Variants in LPCAT1 observed in about 807,000 individuals in gnomAD.
The protein encoded by LPCAT1 is 1-acylglycerol-3-phosphate O-acyltransferase.
LPCAT1 carries 23 observed loss-of-function variants against 60.9 expected under a neutral mutation model. The observed-to-expected ratio is 0.38, with a 90% CI of 0.27 to 0.53. The LOEUF is 0.53. Ranked by LOEUF, LPCAT1 falls within the 20% of genes least tolerant of loss-of-function variation. The pLI is 0.82. For synonymous variants in LPCAT1, 340 were observed against 301.1 expected (o/e 1.13, Z -1.34); for missense variants, 622 against 723.6 (o/e 0.86, Z 1.61).
Position 1,463,773 on chromosome 5 carries a change from G to C in LPCAT1, c.1483C>G (p.Gln495Glu). 1 of 1,614,246 alleles carries C rather than the reference G, an allele frequency of 6.2e-7. No homozygotes were observed. Among genetic ancestry groups the C allele is most frequent in the Non-Finnish European group, 8.5e-7 (1 of 1,180,054 alleles). The change falls in exon 14 of 14, where the codon CAG (glutamine) becomes GAG (glutamate). Residue 495 changes from glutamine to glutamate, a missense_variant. Gln to Glu is a conservative substitution (Grantham distance 29, BLOSUM62 2). Coordinates refer to ENST00000283415, the MANE Select transcript of LPCAT1 (RefSeq NM_024830.5). ...TCTGCACAGCTTTCGAAATGTGTCT[G>C]ATCCGGGTACAGGTATTCCTCTGCG... Reference protein sequence around the residue: ...AFAEEYLYPDQTHFESCAETS... With the variant: ...AFAEEYLYPDETHFESCAETS...
chr5:1,494,660 G>C lies in LPCAT1; in HGVS notation c.493+40C>G, dbSNP rs745342004. On this transcript the variant is annotated intron_variant, in intron 3 of 13. Transcript: ENST00000283415. ...GCAGGGGGATCTCTCACTCCCAGCAGGGCAGGGTCCCTCACTCCCAGCAGG... is the reference window on the plus strand; with the variant it reads ...GCAGGGGGATCTCTCACTCCCAGCACGGCAGGGTCCCTCACTCCCAGCAGG... The C allele has an allele frequency of 4.4e-6, 7 of 1,575,942 alleles. No individual in the cohort carries two copies. In the African/African-American group the frequency reaches 9.4e-5, roughly 21 times the overall value.
Position 1,470,761 on chromosome 5 carries a change from C to CA in LPCAT1, c.1278+64dup, listed in dbSNP as rs1442226800. 8.1e-6 allele frequency: 10 copies of CA among 1,229,716 alleles called. No homozygotes were observed. The East Asian group carries it at 2.3e-4, about 28-fold the overall frequency. 76.2% of individuals were successfully genotyped at this position (1,229,716 alleles called of 1,614,324 possible). On this transcript the variant is annotated intron_variant, in intron 12 of 13. Transcript: ENST00000283415. Reference sequence around the variant, plus strand: ...TATTATAAGGAACTAGAGAAATGAACAATGGTGCTGACGTGACTGCACCGC... The same window carrying CA: ...TATTATAAGGAACTAGAGAAATGAACAAATGGTGCTGACGTGACTGCACCGC...
rs148753477 is a variant in LPCAT1, at chr5:1,481,527, C to T, written c.727-551G>A. Among the ~76,000 whole-genome samples, 677 of 152,392 alleles carry T rather than the reference C, an allele frequency of 4.4e-3. 3 individuals are homozygous for T. The highest frequency in any genetic ancestry group is 8.2e-3 in the Non-Finnish European group (561 of 68,042). The stretch of plus-strand genomic sequence containing the variant: ...CGGGCAGGGACCACACAGCAGGGGC[C>T]GTGACGGCAGAGGCCCAGACACCGT... On this transcript the variant is annotated intron_variant, in intron 6 of 13. Coordinates refer to ENST00000283415, the MANE Select transcript of LPCAT1 (RefSeq NM_024830.5). This position sits in a 1 kb window ranked among gnomAD's most constrained non-coding sequence, Gnocchi z 7.8.
chr5:1,478,215 T>C (rs945771897), intron 8 of LPCAT1, among the ~76,000 whole-genome samples: 1 of 152,280 alleles, frequency 6.6e-6, no homozygotes, highest in Non-Finnish European at 1.5e-5. Context: ...TAAATGAATA[T>C]GACCCACATT....
At chr5:1,490,806 G>A (rs987199893) in intron 3 of LPCAT1, among the ~76,000 whole-genome samples, 1 of 152,192 alleles carries the variant, frequency 6.6e-6, no homozygotes, top group African/African-American at 2.4e-5. Context: ...AAACTCTGAA[G>A]ACTTTAAAAT....
Position 1,484,769 on chromosome 5 carries a change from T to C in LPCAT1, c.668-1283A>G, listed in dbSNP as rs111515385. 4.3e-3 allele frequency among the ~76,000 whole-genome samples: 661 copies of C among 152,336 alleles called. 3 individuals carry two copies. The highest frequency in any genetic ancestry group is 0.015 in the African/African-American group (642 of 41,582). On this transcript the variant is annotated intron_variant, in intron 5 of 13. Transcript: ENST00000283415. ...CATGCAGGACATCCACCTGCAGCCT[T>C]GGTGTCCAGCTGGCACCCCAAGTCC...
chr5:1,470,865 C>A lies in LPCAT1; in HGVS notation c.1239G>T (p.Arg413=). ...ECVVALSVVC[R]PARTLDTIQL... is the part of the protein sequence containing the mutation. ...GGATGGTGTCCAGGGTCCGGGCCGG[C>A]CGGCAGACGACAGACAGGGCAACCA... is the stretch of plus-strand genomic sequence containing the variant. Residue 413 remains arginine (R), a synonymous_variant, in exon 12 of 14, where the codon CGG becomes CGT. Transcript: ENST00000283415. The A allele has an allele frequency of 6.2e-7, 1 of 1,613,648 alleles. No homozygotes were observed. Among genetic ancestry groups the A allele is most frequent in the Non-Finnish European group, 8.5e-7 (1 of 1,179,994 alleles).
In LPCAT1 at chr5:1,470,848, T is replaced by C; in HGVS notation, c.1256A>G (p.Asp419Gly). The C allele has an allele frequency of 2.5e-6, 4 of 1,613,620 alleles. No homozygotes were observed. The highest frequency in any genetic ancestry group is 3.4e-6 in the Non-Finnish European group (4 of 1,179,960). The part of the protein sequence containing the change: ...SVVCRPARTL[D>G]TIQLAFKMYG... ...CACCTTGAAAGCCAGCTGGATGGTG[T>C]CCAGGGTCCGGGCCGGCCGGCAGAC... Residue 419 changes from aspartate to glycine, a missense_variant, in exon 12 of 14, where the codon GAC becomes GGC. Physicochemically the swap from Asp to Gly is moderately conservative, Grantham distance 94. Around this residue, in one of 3 missense-constraint regions of LPCAT1, gnomAD observed 288 missense variants for 283.6 expected, o/e 1.02. Transcript: ENST00000283415.
rs146280460 is a variant in LPCAT1 at position 1,466,761 on chromosome 5, T to G, written c.1408A>C (p.Lys470Gln). Residue 470 changes from lysine (K) to glutamine (Q), a missense_variant, in exon 13 of 14, where the codon AAG becomes CAG. Around this residue, in one of 3 missense-constraint regions of LPCAT1, gnomAD observed 288 missense variants for 283.6 expected, o/e 1.02. Transcript: ENST00000283415. ...FRAIDQEEKG[K>Q]ITFADFHRFA... ...CCTGCGGGCTCACCGAATGTGATCT[T>G]CCCCTTCTCCTCTTGGTCAATGGCT... The G allele has an allele frequency of 1.3e-4, 210 of 1,611,432 alleles. No individual in the cohort carries two copies. The highest frequency in any genetic ancestry group is 1.6e-4 in the Non-Finnish European group (193 of 1,178,552).
chr5:1,469,187 C>G (rs1242301220), intron 12 of LPCAT1, among the ~76,000 whole-genome samples: 1 of 152,172 alleles, frequency 6.6e-6, no homozygotes, highest in Non-Finnish European at 1.5e-5. Context: ...ATCCTGCCCC[C>G]AGGTGGTCAC....
chr5:1,523,229 G>A lies in LPCAT1; in HGVS notation c.135+481C>T, dbSNP rs1404930224. ...AGAGCCGCGGTGCCCTCCCGCCCGC[G>A]GGCCGCGTCCAGGCAAAGCCGCTCC... On this transcript the variant is annotated intron_variant, in intron 1 of 13. Coordinates refer to ENST00000283415, the MANE Select transcript of LPCAT1 (RefSeq NM_024830.5). This position sits in a 1 kb window ranked among gnomAD's most constrained non-coding sequence, Gnocchi z 7.1. 1.3e-5 allele frequency among the ~76,000 whole-genome samples: 2 copies of A among 151,946 alleles called. No individual in the cohort carries two copies. Among genetic ancestry groups the A allele is most frequent in the Non-Finnish European group, 2.9e-5 (2 of 67,944 alleles).
intron 2 of LPCAT1, among the ~76,000 whole-genome samples, chr5:1,500,458 TA>T (rs1253340323): frequency 2.0e-5 from 3 of 152,224 alleles, no homozygotes; most frequent in Non-Finnish European, 2.9e-5. Context: ...AGGTGTGCTT[TA>T]TTTATATTCC....
At chr5:1,506,045 G>A (rs535156495) in intron 1 of LPCAT1, among the ~76,000 whole-genome samples, 1 of 152,390 alleles carries the variant, frequency 6.6e-6, no homozygotes, top group South Asian at 2.1e-4. Flanking sequence ...CAAGGAGAGG[G>A]GCCTGTGGGC....
At chr5:1,504,609 G>A (rs1736125257) in intron 1 of LPCAT1, among the ~76,000 whole-genome samples, 1 of 152,010 alleles carries the variant, frequency 6.6e-6, no homozygotes, top group Non-Finnish European at 1.5e-5. Flanking sequence ...AGCTACTCTG[G>A]AGGCTGAGGC....
intron 13 of LPCAT1, among the ~76,000 whole-genome samples, chr5:1,464,502 G>A (rs1004720314): frequency 6.6e-6 from 1 of 152,168 alleles, no homozygotes; most frequent in African/African-American, 2.4e-5. Context: ...CAAAGAGCCC[G>A]AACACACCAA....
Position 1,508,701 on chromosome 5 carries a change from A to G in LPCAT1, c.136-7098T>C, listed in dbSNP as rs566583139. On this transcript the variant is annotated intron_variant, in intron 1 of 13. Transcript: ENST00000283415. ...ATATGTTTGAAATTTCCCATGATAA[A>G]AAGTATAAAAGTGATGACTCTTGGC... Among the ~76,000 whole-genome samples the G allele has an allele frequency of 3.3e-5, 5 of 152,362 alleles. No homozygotes were observed. In the East Asian group the frequency reaches 9.6e-4, roughly 29 times the overall value.
At chr5:1,490,479 T>C (rs1010626) in intron 3 of LPCAT1, among the ~76,000 whole-genome samples, 78,067 of 152,144 alleles carry the variant, frequency 0.51, 21,209 homozygotes, top group African/African-American at 0.7. Context: ...TAGGAGGATG[T>C]GGCCACAGCC....
In LPCAT1 at chr5:1,507,376, C is replaced by A. The variant is rs535563779; in HGVS notation, c.136-5773G>T. On this transcript the variant is annotated intron_variant, in intron 1 of 13. Transcript: ENST00000283415. ...TTTATAGCATAATCCTAATGAGGAA[C>A]TTTGTCTGAAGTCTGAGGCTGAGTT... Among the ~76,000 whole-genome samples the A allele has an allele frequency of 7.2e-5, 11 of 152,358 alleles. No individual in the cohort carries two copies. The South Asian group carries it at 2.3e-3, about 32-fold the overall frequency.
At chr5:1,517,839 C>T (rs1719511971) in intron 1 of LPCAT1, among the ~76,000 whole-genome samples, 1 of 152,260 alleles carries the variant, frequency 6.6e-6, no homozygotes, top group Non-Finnish European at 1.5e-5. Flanking sequence ...TGTTCCCAGA[C>T]AGGAGCCCCC....
Sources: allele counts gnomAD v4.1 joint callset (sites outside exome capture counted in the v4.1 genomes callset), GRCh38; gene constraint gnomAD v4.1.1; regional missense constraint gnomAD v4.1.1; non-coding constraint Gnocchi (gnomAD v3.1); transcripts MANE v1.5; gene names NCBI Gene and HGNC (gene_info 2026-07-23, HGNC 2026-07-21).